Variants in CTBP2 observed in about 807,000 individuals in gnomAD.
CTBP2 encodes the protein C-terminal binding protein 2.
A neutral mutation model predicts 80.3 loss-of-function variants in CTBP2; 30 were observed. That is an observed-to-expected ratio of 0.37 (90% CI 0.28 to 0.51). CTBP2 has a LOEUF of 0.51. Among genes scored for constraint, CTBP2 ranks in the 20% least tolerant of loss-of-function variants. The pLI, the probability that CTBP2 is intolerant of heterozygous loss-of-function variation, is 0.93. For missense variants in CTBP2, 1,212 were observed against 1,375.3 expected (o/e 0.88, Z 1.88); for synonymous variants, 594 against 587.4 (o/e 1.01, Z -0.16).
chr10:125,127,215 A>G (rs1855431600), intron 1 of CTBP2, among the ~76,000 whole-genome samples: 1 of 152,094 alleles, frequency 6.6e-6, no homozygotes, highest in African/African-American at 2.4e-5. Context: ...ATGTTCCATC[A>G]ACCCCTCCAA....
intron 1 of CTBP2, among the ~76,000 whole-genome samples, chr10:125,011,486 G>A (rs932260201): frequency 4.6e-5 from 7 of 152,194 alleles, no homozygotes; most frequent in African/African-American, 7.2e-5. Context: ...ATGTTCTCAG[G>A]CCCCCAAAAG....
chr10:125,007,986 G>A (rs1955451577), intron 1 of CTBP2, among the ~76,000 whole-genome samples: 1 of 149,650 alleles, frequency 6.7e-6, no homozygotes, highest in South Asian at 2.1e-4. Context: ...CACTTTTGTT[G>A]CCCAGGCTGG....
chr10:124,999,278 G>A (rs1954095562), intron 3 of CTBP2: 1 of 152,316 alleles, frequency 6.6e-6, no homozygotes, highest in Non-Finnish European at 1.5e-5. Context: ...GGGACCCTTA[G>A]GAGAGTGTCT....
rs548751824 is a variant in CTBP2, at chr10:125,081,011, G to A, written c.-102+29979C>T. ...CTTTACAGTGGAGAAAGACGGACTCGATCTTAGCCAAGTGATCAAAGTTAA... is the reference window on the plus strand; with the variant it reads ...CTTTACAGTGGAGAAAGACGGACTCAATCTTAGCCAAGTGATCAAAGTTAA... On this transcript the variant is annotated intron_variant, in intron 2 of 10. Coordinates refer to the CTBP2 transcript ENST00000337195. Among the ~76,000 whole-genome samples, 180 of 151,156 alleles carry A rather than the reference G, an allele frequency of 1.2e-3. 1 individual carries two copies. Among genetic ancestry groups the A allele is most frequent in the African/African-American group, 3.2e-3 (132 of 41,180 alleles).
chr10:125,161,079 G>GGGGC (rs1861853468), upstream of CTBP2: 1 of 136,422 alleles, frequency 7.3e-6, no homozygotes, highest in Non-Finnish European at 1.6e-5. Context: ...GGGGGGGGGG[G>GGGGC]CAAAGGCGGG....
At chr10:125,074,302 T>C (rs1590565883) in intron 2 of CTBP2, among the ~76,000 whole-genome samples, 1 of 152,248 alleles carries the variant, frequency 6.6e-6, no homozygotes, top group East Asian at 1.9e-4. Flanking sequence ...ACCTGTCTGG[T>C]GCACCATGAA....
chr10:125,027,953 C>T lies in CTBP2; in HGVS notation c.-194G>A, dbSNP rs1957824045. On this transcript the variant is annotated 5_prime_UTR_variant, in exon 1 of 9. Coordinates refer to ENST00000309035, the MANE Select transcript of CTBP2 (RefSeq NM_022802.3). ...AAACCTTAGCAGACAAAACATAAGA[C>T]TCACGGTAACTTTGCCTCACTCCCC... 7.2e-7 allele frequency: 1 copy of T among 1,397,010 alleles called. No individual in the cohort carries two copies. The highest frequency in any genetic ancestry group is 1.6e-5 in the South Asian group (1 of 62,366). 86.5% of individuals were successfully genotyped at this position (1,397,010 alleles called of 1,614,324 possible).
At chr10:125,071,726 A>G (rs1262483270) in intron 2 of CTBP2, among the ~76,000 whole-genome samples, 1 of 152,200 alleles carries the variant, frequency 6.6e-6, no homozygotes, top group Non-Finnish European at 1.5e-5. Flanking sequence ...CTCTAAAACC[A>G]TAGTTAATGG....
chr10:125,102,707 A>C (rs891005960), intron 2 of CTBP2, among the ~76,000 whole-genome samples: 1 of 152,170 alleles, frequency 6.6e-6, no homozygotes, highest in African/African-American at 2.4e-5. Flanking sequence ...CAAATGTGGG[A>C]CTGGGGCCGT....
intron 1 of CTBP2, among the ~76,000 whole-genome samples, chr10:125,138,788 C>A (rs568534346): frequency 1.3e-5 from 2 of 152,246 alleles, no homozygotes; most frequent in African/African-American, 4.8e-5. Flanking sequence ...TTTCACCCTG[C>A]GACCTTGATT....
intron 1 of CTBP2, among the ~76,000 whole-genome samples, chr10:125,117,246 C>T (rs531483969): frequency 7.2e-5 from 11 of 152,224 alleles, no homozygotes; most frequent in Non-Finnish European, 1.6e-4. Context: ...GGGATGGCCG[C>T]CAGCTGGCTC....
intron 2 of CTBP2, among the ~76,000 whole-genome samples, chr10:125,050,262 AATG>A: frequency 6.6e-6 from 1 of 152,218 alleles, no homozygotes; most frequent in Non-Finnish European, 1.5e-5. Flanking sequence ...AGGTCGTGGA[AATG>A]ATATGTAGAA....
intron 1 of CTBP2, among the ~76,000 whole-genome samples, chr10:125,156,450 G>C (rs1161624355): frequency 1.3e-5 from 2 of 152,150 alleles, no homozygotes; most frequent in East Asian, 3.8e-4. Flanking sequence ...GTATAACTTT[G>C]CTTTCAAAAA....
intron 1 of CTBP2, chr10:125,005,857 T>G: frequency 6.4e-7 from 1 of 1,571,466 alleles, no homozygotes; most frequent in Non-Finnish European, 8.6e-7. Flanking sequence ...AACTTCACTT[T>G]CAGGGGTGCT....
chr10:125,122,393 T>G (rs1299692226), intron 1 of CTBP2, among the ~76,000 whole-genome samples: 6 of 152,210 alleles, frequency 3.9e-5, no homozygotes, highest in Non-Finnish European at 8.8e-5. Context: ...CACTGTGAGA[T>G]TAGATTCTTG....
rs1359383452 is a variant in CTBP2 at position 124,984,888 on chromosome 10, C to T, written c.*4630G>A. 3 of 1,614,062 alleles carry T rather than the reference C, an allele frequency of 1.9e-6. No homozygotes were observed. Among genetic ancestry groups the T allele is most frequent in the Non-Finnish European group, 2.5e-6 (3 of 1,180,024 alleles). ...GAGTTCTCGGCGGCGAAATCACCCC[C>T]TGGTCACTCAGATGGTAGAAAAATG... On this transcript the variant is annotated 3_prime_UTR_variant, in exon 9 of 9. Transcript: ENST00000309035.
At chr10:125,005,928 G>A in intron 1 of CTBP2, 1 of 1,504,658 alleles carries the variant, frequency 6.6e-7, no homozygotes, top group South Asian at 1.3e-5. Context: ...TCGTTAAATG[G>A]TAGCCACACA....
At chr10:125,143,916 T>C (rs1052882979) in intron 1 of CTBP2, among the ~76,000 whole-genome samples, 2 of 152,174 alleles carry the variant, frequency 1.3e-5, no homozygotes, top group African/African-American at 4.8e-5. Context: ...GAGGCCTCAG[T>C]GCAGAGCCCC....
At chr10:125,002,861 G>A (rs932599137) in intron 3 of CTBP2, 99 bp downstream of exon 5, 31 of 1,463,336 alleles carry the variant, frequency 2.1e-5, no homozygotes, top group Non-Finnish European at 2.9e-5. Context: ...AGAAGCGGCT[G>A]CTCCGTGGTC....
Sources: allele counts gnomAD v4.1 joint callset (sites outside exome capture counted in the v4.1 genomes callset), GRCh38; gene constraint gnomAD v4.1.1; transcripts MANE v1.5; gene names NCBI Gene and HGNC (gene_info 2026-07-23, HGNC 2026-07-21).